Variants in GRIN3A observed in about 807,000 individuals in gnomAD.
GRIN3A encodes the protein glutamate receptor ionotropic, NMDA 3A.
Under a neutral mutation model 92.4 loss-of-function variants are expected in GRIN3A, and 47 were observed. The ratio of observed to expected loss-of-function variants is 0.51; its 90% CI spans 0.40 to 0.65. The LOEUF is 0.65. GRIN3A is among the 30% of genes least tolerant of loss of function. The pLI is 0.00. For missense variants in GRIN3A, 1,324 were observed against 1,393.1 expected, an observed-to-expected ratio of 0.95 and a Z score of 0.79; for synonymous variants, 527 against 540.6, an observed-to-expected ratio of 0.97 and a Z score of 0.35.
intron 4 of GRIN3A, among the ~76,000 whole-genome samples, chr9:101,624,270 A>T (rs957438518): frequency 4.0e-5 from 6 of 151,736 alleles, no homozygotes; most frequent in Admixed American, 2.0e-4. Flanking sequence ...CATGTGCACA[A>T]TGTGCAGGTT....
chr9:101,679,693 G>T (rs1829443577), intron 2 of GRIN3A, among the ~76,000 whole-genome samples: 1 of 152,152 alleles, frequency 6.6e-6, no homozygotes, highest in Non-Finnish European at 1.5e-5. Context: ...CCCTAGCAGA[G>T]AAAGTTAACC....
At chr9:101,690,195 G>A (rs1291062327) in intron 1 of GRIN3A, among the ~76,000 whole-genome samples, 3 of 151,654 alleles carry the variant, frequency 2.0e-5, no homozygotes, top group African/African-American at 7.3e-5. Context: ...TTATATTATG[G>A]TATATTATTT....
intron 3 of GRIN3A, among the ~76,000 whole-genome samples, chr9:101,650,174 T>G (rs1410369811): frequency 6.6e-6 from 1 of 152,076 alleles, no homozygotes; most frequent in East Asian, 1.9e-4. Flanking sequence ...GGAATTGTTT[T>G]GTTCTTCATC....
chr9:101,623,376 TTCA>T lies in GRIN3A; in HGVS notation c.2553_2555del (p.Tyr851_Glu852delinsTer). 6.2e-7 allele frequency: 1 copy of T among 1,613,972 alleles called. No individual in the cohort carries two copies. The highest frequency in any genetic ancestry group is 1.1e-5 in the South Asian group (1 of 91,082). ...GTTTGCAGTCAGCATCTATTGACAC[TTCA>T]TAATCCAGAAGGGCTTTGTCCATGA... On this transcript the variant is annotated stop_gained and inframe_deletion, in exon 5 of 9. Coordinates refer to ENST00000361820, the MANE Select transcript of GRIN3A (RefSeq NM_133445.3). LOFTEE classifies it high-confidence loss of function.
intron 1 of GRIN3A, among the ~76,000 whole-genome samples, chr9:101,720,627 C>T (rs1199276930): frequency 1.3e-5 from 2 of 152,112 alleles, no homozygotes; most frequent in East Asian, 1.9e-4. Flanking sequence ...AACATTGTTT[C>T]AATGGAAAAA....
At chr9:101,581,807 G>A (rs1417969197) in intron 6 of GRIN3A, among the ~76,000 whole-genome samples, 1 of 152,166 alleles carries the variant, frequency 6.6e-6, no homozygotes, top group Non-Finnish European at 1.5e-5. Flanking sequence ...GAGCCTGGGT[G>A]TTATCCCTTT....
chr9:101,637,961 T>C (rs1449233352), intron 3 of GRIN3A, among the ~76,000 whole-genome samples: 1 of 148,976 alleles, frequency 6.7e-6, no homozygotes, highest in Non-Finnish European at 1.5e-5. Context: ...CCCACCTGAA[T>C]ATGGCTAATA....
At chr9:101,703,378 T>C (rs1337960033) in intron 1 of GRIN3A, among the ~76,000 whole-genome samples, 1 of 152,220 alleles carries the variant, frequency 6.6e-6, no homozygotes, top group Non-Finnish European at 1.5e-5. Context: ...TGATTCTTTC[T>C]TCACATTCAG....
chr9:101,652,056 A>T (rs1588267720), intron 3 of GRIN3A, among the ~76,000 whole-genome samples: 1 of 152,064 alleles, frequency 6.6e-6, no homozygotes, highest in Non-Finnish European at 1.5e-5. Flanking sequence ...ACTACAGAAC[A>T]TTTAAACAGG....
In GRIN3A at chr9:101,570,901, T is replaced by C. The variant is rs1231349322; in HGVS notation, c.*2273A>G. On this transcript the variant is annotated 3_prime_UTR_variant, in exon 9 of 9. Transcript: ENST00000361820. ...CAGCTTCTCAAATACAGTCAGAATATGAGCTGAGTTACAAAAATGTCCATG... is the reference window on the plus strand; with the variant it reads ...CAGCTTCTCAAATACAGTCAGAATACGAGCTGAGTTACAAAAATGTCCATG... 3 of 152,638 alleles carry C rather than the reference T, an allele frequency of 2.0e-5. No individual in the cohort carries two copies. Among genetic ancestry groups the C allele is most frequent in the African/African-American group, 7.2e-5 (3 of 41,444 alleles). 9.5% of individuals were successfully genotyped at this position (152,638 alleles called of 1,614,324 possible).
At chr9:101,688,519 G>A (rs951218140) in intron 1 of GRIN3A, among the ~76,000 whole-genome samples, 11 of 152,328 alleles carry the variant, frequency 7.2e-5, no homozygotes, top group Middle Eastern at 3.4e-3. Flanking sequence ...TCACTGGGAA[G>A]CATTCAACAG....
chr9:101,606,034 C>T (rs1231290253), intron 6 of GRIN3A, among the ~76,000 whole-genome samples: 1 of 152,160 alleles, frequency 6.6e-6, no homozygotes, highest in Non-Finnish European at 1.5e-5. Flanking sequence ...TGGTCTGACT[C>T]CCAAGACCAG....
chr9:101,733,322 G>A (rs1364448153), intron 1 of GRIN3A, among the ~76,000 whole-genome samples: 3 of 152,158 alleles, frequency 2.0e-5, no homozygotes, highest in South Asian at 2.1e-4. Flanking sequence ...CTAGAAAAGC[G>A]AATACATATT....
chr9:101,622,573 A>C (rs1198200369), intron 5 of GRIN3A, among the ~76,000 whole-genome samples: 2 of 152,208 alleles, frequency 1.3e-5, no homozygotes, highest in Non-Finnish European at 2.9e-5. Context: ...GTGGAGAAAA[A>C]GACCTGAGAT....
chr9:101,688,993 G>A (rs1055783757), intron 1 of GRIN3A, among the ~76,000 whole-genome samples: 3 of 152,202 alleles, frequency 2.0e-5, no homozygotes, highest in East Asian at 1.9e-4. Context: ...CCAGGCTTGA[G>A]CTGCCAGCAG....
At chr9:101,707,983 A>C (rs1484434630) in intron 1 of GRIN3A, among the ~76,000 whole-genome samples, 1 of 152,044 alleles carries the variant, frequency 6.6e-6, no homozygotes, top group Non-Finnish European at 1.5e-5. Context: ...GCTGATTATC[A>C]AGTGGGGAAA....
intron 2 of GRIN3A, among the ~76,000 whole-genome samples, chr9:101,673,910 A>T (rs1427163070): frequency 6.6e-6 from 1 of 152,064 alleles, no homozygotes; most frequent in Non-Finnish European, 1.5e-5. Flanking sequence ...ATCATGATAG[A>T]GGTAAATCTG....
intron 6 of GRIN3A, among the ~76,000 whole-genome samples, chr9:101,605,743 A>G (rs1359100562): frequency 1.3e-5 from 2 of 152,202 alleles, no homozygotes; most frequent in African/African-American, 4.8e-5. Context: ...GGAGAGTTTA[A>G]TGATTTACTT....
intron 1 of GRIN3A, among the ~76,000 whole-genome samples, chr9:101,711,102 A>G (rs1829871492): frequency 1.3e-5 from 2 of 152,200 alleles, no homozygotes; most frequent in Non-Finnish European, 2.9e-5. Flanking sequence ...ATGTAAGATG[A>G]TAAGATCCCT....
Sources: gnomAD v4.1 joint callset for allele counts (sites outside exome capture counted in the v4.1 genomes callset) on GRCh38, gnomAD v4.1.1 for gene constraint, MANE v1.5 for transcripts, NCBI Gene and HGNC (gene_info 2026-07-23, HGNC 2026-07-21) for gene names.